CEP250: variants seen among roughly 807,000 people sequenced by gnomAD.
CEP250 encodes centrosome-associated protein CEP250.
Under a neutral mutation model 315.7 loss-of-function variants are expected in CEP250, and 242 were observed. The ratio of observed to expected loss-of-function variants is 0.77; its 90% confidence interval spans 0.69 to 0.85. The LOEUF (loss-of-function observed/expected upper bound fraction) is 0.85, where lower values mean the gene tolerates loss of function less well. CEP250 is among the 40% of genes least tolerant of loss of function. CEP250 has a pLI of 0.00. For missense variants in CEP250, 2,515 were observed against 2,886.4 expected (o/e 0.87, Z 2.95); for synonymous variants, 1,088 against 1,175.0 (o/e 0.93, Z 1.51).
At chr20:35,496,869 G>A (rs1451856523) in intron 25 of CEP250, among the ~76,000 whole-genome samples, 154 bp downstream of exon 25, 5 of 152,170 alleles carry the variant, frequency 3.3e-5, no homozygotes, top group Non-Finnish European at 7.4e-5. Flanking sequence ...ACAGGAGGGG[G>A]AAGCCAGGAC....
chr20:35,458,074 A>G (rs768816417), intron 1 of CEP250, among the ~76,000 whole-genome samples: 7 of 152,250 alleles, frequency 4.6e-5, no homozygotes, highest in Non-Finnish European at 8.8e-5. Context: ...TTTCTCAGTA[A>G]ATAAAATGTT....
In CEP250 at chr20:35,513,742, T is replaced by C. The variant is rs1007090481; in HGVS notation, c.*2116T>C. 1.4e-4 allele frequency: 22 copies of C among 152,240 alleles called. No individual in the cohort carries two copies. The highest frequency in any genetic ancestry group is 5.3e-4 in the African/African-American group (22 of 41,458). 9.4% of individuals were successfully genotyped at this position (152,240 alleles called of 1,614,324 possible). On this transcript the variant is annotated 3_prime_UTR_variant, in exon 35 of 35. Coordinates refer to ENST00000397527, the MANE Select transcript of CEP250 (RefSeq NM_007186.6). ...GCCAGGGCCTTAGGCCCCACATACC[T>C]TCTGGGCCTCAGAGAGGTTCCAGCA...
At position 35,516,671 on chromosome 20, in the gene CEP250, A is replaced by C. The variant is rs2064438616; in HGVS notation, c.*5045A>C. On this transcript the variant is annotated 3_prime_UTR_variant, in exon 35 of 35. Transcript: ENST00000397527. ...TCTGAGAAGGAGCTCACCTCTAGGC[A>C]CACAGAACCTGGACACAGATGAAAG... The C allele has an allele frequency of 6.6e-6, 1 of 152,278 alleles. No individual in the cohort carries two copies. Among genetic ancestry groups the C allele is most frequent in the South Asian group, 2.1e-4 (1 of 4,832 alleles). The allele number at this position is 152,278 out of a possible 1,614,324, so 9.4% of individuals were successfully genotyped here.
At chr20:35,498,797 C>T in intron 27 of CEP250, 81 bp downstream of exon 27, 1 of 1,442,214 alleles carries the variant, frequency 6.9e-7, no homozygotes, top group Non-Finnish European at 9.2e-7. Flanking sequence ...GCAGTTTGAC[C>T]TGTTTTATTC....
rs2064365517 is a variant in CEP250 at position 35,511,652 on chromosome 20, A to G, written c.*26A>G. 1.3e-6 allele frequency: 2 copies of G among 1,596,718 alleles called. No individual in the cohort carries two copies. The highest frequency in any genetic ancestry group is 8.5e-7 in the Non-Finnish European group (1 of 1,169,872). ...CAGCCACAGCCAGGAGCACACAGAC[A>G]GAAGACTGTGTCATGGGTCATGGCC... On this transcript the variant is annotated 3_prime_UTR_variant, in exon 35 of 35. Coordinates refer to ENST00000397527, the MANE Select transcript of CEP250 (RefSeq NM_007186.6).
At chr20:35,467,718 T>C (rs2062923568) in intron 9 of CEP250, among the ~76,000 whole-genome samples, 163 bp downstream of exon 9, 1 of 152,152 alleles carries the variant, frequency 6.6e-6, no homozygotes, top group Non-Finnish European at 1.5e-5. Flanking sequence ...CAGTTGGGGC[T>C]TGTACTGACC....
At chr20:35,460,864 A>T (rs930382334) in intron 3 of CEP250, among the ~76,000 whole-genome samples, 38 of 152,236 alleles carry the variant, frequency 2.5e-4, no homozygotes, top group African/African-American at 8.4e-4. Context: ...GACATTGTTG[A>T]CAAGTTACAA....
chr20:35,508,796 C>A, intron 32 of CEP250, 147 bp from the exon 33 acceptor site: 1 of 658,364 alleles, frequency 1.5e-6, no homozygotes. Flanking sequence ...CCTGCCCTAG[C>A]TGTGCCTTCC....
intron 20 of CEP250, among the ~76,000 whole-genome samples, chr20:35,487,861 T>G (rs58355182): frequency 0.34 from 51,930 of 151,826 alleles, 10,222 homozygotes; most frequent in African/African-American, 0.54. Context: ...AACCATTTCT[T>G]TTTTATCCAC....
rs1266534241 is a variant in CEP250 at position 35,463,651 on chromosome 20, C to G, written c.243+20C>G. The G allele has an allele frequency of 6.3e-7, 1 of 1,593,588 alleles. No homozygotes were observed. Among genetic ancestry groups the G allele is most frequent in the Non-Finnish European group, 8.5e-7 (1 of 1,170,400 alleles). On this transcript the variant is annotated intron_variant, in intron 5 of 34. Transcript: ENST00000397527. ...ACTGGAGTGAGTGAGGCTGAGCTCT[C>G]TGCACCCCCTGGGTCCTCAGTGAAT...
chr20:35,483,244 T>C (rs747379627), intron 20 of CEP250, among the ~76,000 whole-genome samples: 4 of 151,314 alleles, frequency 2.6e-5, no homozygotes, highest in Non-Finnish European at 5.9e-5. Context: ...CGCTTGAACC[T>C]GGGAGGTGGA....
chr20:35,496,517 A>G (rs889315737), intron 24 of CEP250, 60 bp from the exon 25 acceptor site: 1 of 1,442,258 alleles, frequency 6.9e-7, no homozygotes, highest in Non-Finnish European at 9.5e-7. Flanking sequence ...TACTCAGATG[A>G]GAAGGTAATT....
chr20:35,494,324 G>C (rs1310967887), intron 23 of CEP250, 200 bp from the exon 24 acceptor site: 1 of 608,476 alleles, frequency 1.6e-6, no homozygotes, highest in Non-Finnish European at 2.8e-6. Flanking sequence ...TGTGAGGCTG[G>C]GAGGCAGATG....
chr20:35,467,673 G>A (rs1441962648), intron 9 of CEP250, 118 bp downstream of exon 9: 2 of 1,196,510 alleles, frequency 1.7e-6, no homozygotes, highest in Non-Finnish European at 2.3e-6. Context: ...GGGAGAAGAT[G>A]TGCCCAAGGA....
Position 35,504,434 on chromosome 20 carries a change from A to C in CEP250, c.6065A>C (p.Gln2022Pro). ...CAGCTGGAGGAGGCTCTGAGGATAC[A>C]AGAAGGTGAGATCCAGGACCAGGAT... is the stretch of plus-strand genomic sequence containing the variant. ...SRQLEEALRI[Q>P]EGEIQDQDLR... The change falls in exon 30 of 35, where the codon CAA (glutamine) becomes CCA (proline). Residue 2022 changes from glutamine to proline, a missense_variant. Coordinates refer to ENST00000397527, the MANE Select transcript of CEP250 (RefSeq NM_007186.6). The C allele has an allele frequency of 6.2e-7, 1 of 1,610,706 alleles. No homozygotes were observed. Among genetic ancestry groups the C allele is most frequent in the East Asian group, 2.2e-5 (1 of 44,824 alleles).
chr20:35,499,997 T>G, intron 27 of CEP250, 52 bp from the exon 28 acceptor site: 2 of 1,610,464 alleles, frequency 1.2e-6, no homozygotes, highest in Non-Finnish European at 1.7e-6. Flanking sequence ...AGCCCTGCAT[T>G]GTTTTGTGGA....
chr20:35,490,802 C>G lies in CEP250; in HGVS notation c.2752C>G (p.Gln918Glu). ...ERTQAESALC[Q>E]MQLETEKERV... ...GACCCAGGCAGAGAGTGCCCTATGCCAGGTGGGAAGCTAGGAGGATTGGAG... is the reference window on the plus strand; with the variant it reads ...GACCCAGGCAGAGAGTGCCCTATGCGAGGTGGGAAGCTAGGAGGATTGGAG... The change falls in exon 21 of 35, where the codon CAG becomes GAG. Residue 918 changes from glutamine (Q) to glutamate (E), a missense_variant and splice_region_variant. By Grantham distance (29) the Gln-to-Glu change is conservative. Coordinates refer to ENST00000397527, the MANE Select transcript of CEP250 (RefSeq NM_007186.6). The G allele has an allele frequency of 6.2e-7, 1 of 1,612,280 alleles. No homozygotes were observed. The highest frequency in any genetic ancestry group is 8.5e-7 in the Non-Finnish European group (1 of 1,179,788).
chr20:35,472,638 C>T (rs746781105), intron 11 of CEP250, 35 bp from the exon 12 acceptor site: 2 of 1,610,984 alleles, frequency 1.2e-6, no homozygotes, highest in Non-Finnish European at 1.7e-6. Context: ...AGGCTTTGGT[C>T]AGTAGGGTGG....
In CEP250 at chr20:35,516,971, T is replaced by C. The variant is rs1264662374; in HGVS notation, c.*5345T>C. 5 of 985,396 alleles carry C rather than the reference T, an allele frequency of 5.1e-6. No homozygotes were observed. Among genetic ancestry groups the C allele is most frequent in the Non-Finnish European group, 6.0e-6 (5 of 829,980 alleles). The allele number at this position is 985,396 out of a possible 1,614,324, so 61.0% of individuals were successfully genotyped here. ...AACCCCCCCATTGAAGGCTACATTCTTGTCCCACAGGGCAGAGCACATGGC... is the reference window on the plus strand; with the variant it reads ...AACCCCCCCATTGAAGGCTACATTCCTGTCCCACAGGGCAGAGCACATGGC... On this transcript the variant is annotated 3_prime_UTR_variant, in exon 35 of 35. Transcript: ENST00000397527.
Sources: gnomAD v4.1 joint callset for allele counts (sites outside exome capture counted in the v4.1 genomes callset) on GRCh38, gnomAD v4.1.1 for gene constraint, MANE v1.5 for transcripts, NCBI Gene and HGNC (gene_info 2026-07-23, HGNC 2026-07-21) for gene names.